The following SLC22A5 variants were observed in gnomAD, a reference collection of about 807,000 sequenced individuals.
SLC22A5 encodes organic cation/carnitine transporter 2.
In SLC22A5, 44 loss-of-function variants were observed where a neutral mutation model predicts 56.7. The observed-to-expected ratio is 0.78, with a 90% CI of 0.61 to 1.00. The LOEUF (loss-of-function observed/expected upper bound fraction) is 1.00. Ranked by LOEUF, SLC22A5 falls within the 50% of genes least tolerant of loss-of-function variation. SLC22A5 has a pLI of 0.00. For synonymous variants in SLC22A5, 278 were observed against 292.1 expected, an observed-to-expected ratio of 0.95 and a Z score of 0.49; for missense variants, 675 against 723.0, an observed-to-expected ratio of 0.93 and a Z score of 0.76.
intron 8 of SLC22A5, 133 bp downstream of exon 8, chr5:132,392,748 C>G: frequency 1.3e-6 from 1 of 784,192 alleles, no homozygotes; most frequent in South Asian, 1.5e-5. Context: ...AGTACTGGAT[C>G]TTTGGCCGGG....
chr5:132,393,915 AC>A, intron 9 of SLC22A5, 104 bp downstream of exon 9: 1 of 1,333,078 alleles, frequency 7.5e-7, no homozygotes, highest in Non-Finnish European at 1.1e-6. Flanking sequence ...TCTCACAGAC[AC>A]CATGGACTAG....
At chr5:132,387,267 C>A in intron 5 of SLC22A5, 116 bp downstream of exon 5, 1 of 1,235,300 alleles carries the variant, frequency 8.1e-7, no homozygotes, top group Non-Finnish European at 1.2e-6. Context: ...TCCGCCCAAG[C>A]CCCAACTGCC....
At chr5:132,378,009 C>A in intron 1 of SLC22A5, 1 of 1,249,598 alleles carries the variant, frequency 8.0e-7, no homozygotes, top group Non-Finnish European at 1.1e-6. Flanking sequence ...ATGCCAATGG[C>A]CTGAACCCCA....
chr5:132,391,174 A>C (rs1752687630), intron 7 of SLC22A5, among the ~76,000 whole-genome samples: 1 of 152,230 alleles, frequency 6.6e-6, no homozygotes, highest in Admixed American at 6.5e-5. Flanking sequence ...TTTCCACTGC[A>C]GAAGAAGAGG....
At chr5:132,370,447 G>C (rs1292778788) in intron 1 of SLC22A5, 82 bp downstream of exon 1, 3 of 1,439,242 alleles carry the variant, frequency 2.1e-6, no homozygotes, top group Non-Finnish European at 2.9e-6. Context: ...CTCTCTCCCA[G>C]ATGCGCACTG....
intron 2 of SLC22A5, chr5:132,381,396 C>A (rs906530722): frequency 6.6e-6 from 1 of 152,232 alleles, no homozygotes; most frequent in African/African-American, 2.4e-5. Context: ...CAGCCCCTGC[C>A]TTCAATTCCC....
chr5:132,386,830 T>A (rs1459236777), intron 4 of SLC22A5, among the ~76,000 whole-genome samples, 195 bp from the exon 5 acceptor site: 40 of 152,172 alleles, frequency 2.6e-4, no homozygotes. Context: ...TTGTGCGGTG[T>A]GGGGTACACA....
Position 132,394,980 on chromosome 5 carries a change from A to G in SLC22A5, c.*708A>G, listed in dbSNP as rs1752828077. The G allele has an allele frequency of 6.6e-6, 1 of 152,416 alleles. No homozygotes were observed. Among genetic ancestry groups the G allele is most frequent in the Non-Finnish European group, 1.5e-5 (1 of 68,136 alleles). The allele number at this position is 152,416 out of a possible 1,614,324, so 9.4% of individuals were successfully genotyped here. On this transcript the variant is annotated 3_prime_UTR_variant, in exon 10 of 10. Coordinates refer to ENST00000245407, the MANE Select transcript of SLC22A5 (RefSeq NM_003060.4). ...TAATAAATGCTCCATTGAATCTACT[A>G]TTCTTGTTTTCCACTGCTGTGGAAA...
At chr5:132,379,491 G>GT (rs577566195) in intron 2 of SLC22A5, 8 of 149,054 alleles carry the variant, frequency 5.4e-5, no homozygotes, top group Non-Finnish European at 8.9e-5. Context: ...TATTGTTGTT[G>GT]TTTTTTTTTG....
At position 132,385,545 on chromosome 5, in the gene SLC22A5, C is replaced by T. The variant is rs1192275726; in HGVS notation, c.824+46C>T. The T allele has an allele frequency of 3.2e-6, 5 of 1,554,680 alleles. No homozygotes were observed. In the South Asian group the frequency reaches 4.5e-5, roughly 14 times the overall value. On this transcript the variant is annotated intron_variant, in intron 4 of 9. Transcript: ENST00000245407. ...CATGTGCCCACTGGCAGGATGATTT[C>T]TGTCTGGCCTTCACTAGAGGGCAGC...
rs545769977 is a variant in SLC22A5 at position 132,385,590 on chromosome 5, T to A, written c.824+91T>A. The A allele has an allele frequency of 3.9e-5, 41 of 1,045,206 alleles. 1 individual carries two copies. The South Asian group carries it at 5.3e-4, about 13-fold the overall frequency. 64.7% of individuals were successfully genotyped at this position (1,045,206 alleles called of 1,614,324 possible). A position where few individuals can be genotyped will look rare whatever the true frequency, so the allele number is the denominator to read the frequency against. On this transcript the variant is annotated intron_variant, in intron 4 of 9. Coordinates refer to ENST00000245407, the MANE Select transcript of SLC22A5 (RefSeq NM_003060.4). ...GGCAGCAACAACCCATGAATCCCTA[T>A]TTTGTCTCCCAGAGACAGGAAGCAT...
intron 5 of SLC22A5, 133 bp downstream of exon 5, chr5:132,387,284 C>T (rs1752565729): frequency 1.4e-5 from 14 of 991,254 alleles, no homozygotes; most frequent in Non-Finnish European, 2.2e-5. Flanking sequence ...TGCCCATTCC[C>T]CCCATCCCCC....
At chr5:132,374,430 C>T (rs1561564138) in intron 1 of SLC22A5, among the ~76,000 whole-genome samples, 1 of 152,174 alleles carries the variant, frequency 6.6e-6, no homozygotes, top group Admixed American at 6.5e-5. Context: ...ATCCCCAAAG[C>T]TGCCTGGAGG....
At chr5:132,388,870 G>A (rs1189573699) in intron 5 of SLC22A5, 51 bp from the exon 6 acceptor site, 6 of 1,149,542 alleles carry the variant, frequency 5.2e-6, no homozygotes, top group Non-Finnish European at 7.9e-6. Flanking sequence ...TGTGTGCTCT[G>A]AGTCTCTGAC....
At chr5:132,374,089 G>A (rs1363015503) in intron 1 of SLC22A5, among the ~76,000 whole-genome samples, 1 of 152,032 alleles carries the variant, frequency 6.6e-6, no homozygotes, top group South Asian at 2.1e-4. Flanking sequence ...GGTGGTGGGT[G>A]CCTGTAATCC....
In SLC22A5 at chr5:132,369,799, C is replaced by A; in HGVS notation, c.-174C>A. 2 of 806,904 alleles carry A rather than the reference C, an allele frequency of 2.5e-6. No homozygotes were observed. The highest frequency in any genetic ancestry group is 3.7e-6 in the Non-Finnish European group (2 of 540,588). The allele number at this position is 806,904 out of a possible 1,614,324, so 50.0% of individuals were successfully genotyped here. On this transcript the variant is annotated 5_prime_UTR_variant, in exon 1 of 10. Transcript: ENST00000245407. ...CCTGGTCGTGCGCCCTATGTAAGGC[C>A]AGCCGCGGCAGGACCAAGGCGGCGG...
At chr5:132,371,612 TGATA>T (rs1165107007) in intron 1 of SLC22A5, among the ~76,000 whole-genome samples, 1 of 152,052 alleles carries the variant, frequency 6.6e-6, no homozygotes, top group Middle Eastern at 3.2e-3. Flanking sequence ...TAGCCCTCAT[TGATA>T]GATAGGCTCA....
chr5:132,395,444 A>G lies in SLC22A5; in HGVS notation c.*1172A>G, dbSNP rs1269851723. On this transcript the variant is annotated 3_prime_UTR_variant, in exon 10 of 10. Transcript: ENST00000245407. Reference sequence around the variant, plus strand: ...TTTAGTCCTGTAACTTTATTGGGTGATATTTTGTGTTCAGTGTAATTGTCT... The same window carrying G: ...TTTAGTCCTGTAACTTTATTGGGTGGTATTTTGTGTTCAGTGTAATTGTCT... 1 of 152,578 alleles carries G rather than the reference A, an allele frequency of 6.6e-6. No individual in the cohort carries two copies. Among genetic ancestry groups the G allele is most frequent in the African/African-American group, 2.4e-5 (1 of 41,358 alleles). 9.5% of individuals were successfully genotyped at this position (152,578 alleles called of 1,614,324 possible).
Position 132,385,466 on chromosome 5 carries a change from C to G in SLC22A5, c.791C>G (p.Thr264Arg), listed in dbSNP as rs201262157. Residue 264 changes from threonine to arginine, a missense_variant, in exon 4 of 10, where the codon ACG becomes AGG. Thr to Arg is a moderately conservative substitution (Grantham distance 71, BLOSUM62 -1). Transcript: ENST00000245407. ...TGGCGGATGCTGCTGGTGGCGCTGA[C>G]GATGCCGGGGGTGCTATGCGTGGCA... Reference protein sequence around the residue: ...RDWRMLLVALTMPGVLCVALW... With the variant: ...RDWRMLLVALRMPGVLCVALW... 1.4e-5 allele frequency: 23 copies of G among 1,614,032 alleles called. No homozygotes were observed. The highest frequency in any genetic ancestry group is 1.7e-5 in the Non-Finnish European group (20 of 1,180,030).
Sources: allele counts gnomAD v4.1 joint callset (sites outside exome capture counted in the v4.1 genomes callset), GRCh38; gene constraint gnomAD v4.1.1; transcripts MANE v1.5; gene names NCBI Gene and HGNC (gene_info 2026-07-23, HGNC 2026-07-21).